The following DDB1 variants were observed in gnomAD, a reference collection of about 807,000 sequenced individuals.
DDB1 encodes DNA damage-binding protein 1.
In DDB1, 18 loss-of-function variants were observed where a neutral mutation model predicts 133.1. That is an observed-to-expected ratio of 0.14 (90% confidence interval 0.09 to 0.20). The LOEUF is 0.20. Among genes scored for constraint, DDB1 ranks in the 10% least tolerant of loss-of-function variants. The pLI is 1.00. For missense variants in DDB1, 828 were observed against 1,459.2 expected (o/e 0.57, Z 7.05); for synonymous variants, 580 against 550.5 (o/e 1.05, Z -0.75).
At position 61,300,801 on chromosome 11, in the gene DDB1, C is replaced by A; in HGVS notation, c.3339+8G>T. ...GTCTGGCCCAGGGTTAAACACCACA[C>A]AGCTCACCTGTAGGTTTGCCACCAC... On this transcript the variant is annotated splice_region_variant and intron_variant, in intron 26 of 26. Coordinates refer to ENST00000301764, the MANE Select transcript of DDB1 (RefSeq NM_001923.5). The A allele has an allele frequency of 6.2e-7, 1 of 1,614,168 alleles. No individual in the cohort carries two copies. Among genetic ancestry groups the A allele is most frequent in the East Asian group, 2.2e-5 (1 of 44,888 alleles).
chr11:61,312,061 G>A lies in DDB1; in HGVS notation c.2093C>T (p.Thr698Ile), dbSNP rs747835416. ...CTCATCGATGGTGCCAATGGTGAGG[G>A]TGCTATTGTTGGCCAGCGCCAGGCT... ...PDSLALANNS[T>I]LTIGTIDEIQ... The change falls in exon 17 of 27, where the codon ACC becomes ATC. Residue 698 changes from threonine (T) to isoleucine (I), a missense_variant. By Grantham distance (89) the Thr-to-Ile change is moderately conservative. Transcript: ENST00000301764. The A allele has an allele frequency of 1.2e-6, 2 of 1,614,220 alleles. No individual in the cohort carries two copies. The highest frequency in any genetic ancestry group is 1.7e-5 in the Admixed American group (1 of 60,026).
rs999670781 is a variant in DDB1 at position 61,325,629 on chromosome 11, A to G, written c.744T>C (p.Ile248=). 1.2e-6 allele frequency: 2 copies of G among 1,613,800 alleles called. No homozygotes were observed. The highest frequency in any genetic ancestry group is 8.5e-7 in the Non-Finnish European group (1 of 1,179,954). The change falls in exon 6 of 27, where the codon ATT becomes ATC. Residue 248 remains isoleucine (I), a synonymous_variant. Transcript: ENST00000301764. The part of the protein sequence containing the change: ...TYHNGDKYLA[I]APPIIKQSTI... ...CGCTCACCTTGATGATAGGAGGGGC[A>G]ATAGCCAGGTATTTGTCACCATTGT...
intron 21 of DDB1, among the ~76,000 whole-genome samples, chr11:61,308,001 C>T (rs1423029279): frequency 6.6e-6 from 1 of 152,174 alleles, no homozygotes; most frequent in African/African-American, 2.4e-5. Context: ...ACCTCTTATA[C>T]CGCTGCTTCT....
At chr11:61,322,452 C>T (rs954343583) in intron 8 of DDB1, 40 bp from the exon 9 acceptor site, 1 of 1,440,992 alleles carries the variant, frequency 6.9e-7, no homozygotes, top group Non-Finnish European at 9.8e-7. Flanking sequence ...CCTAGAACAC[C>T]CTAACAGACC....
intron 10 of DDB1, 182 bp downstream of exon 10, chr11:61,321,401 ATTTTCTTTTTTT>A (rs1183734393): frequency 6.0e-6 from 3 of 503,954 alleles, no homozygotes; most frequent in Non-Finnish European, 1.0e-5. Context: ...GATCAGTAGT[ATTTTCTTTTTTT>A]TTTTTTTCTA....
chr11:61,311,741 G>A (rs1406066304), intron 18 of DDB1, 43 bp downstream of exon 18: 10 of 1,555,776 alleles, frequency 6.4e-6, no homozygotes, highest in African/African-American at 1.4e-5. Context: ...AAAGCTTGCT[G>A]GCCCCTGCTC....
chr11:61,329,299 T>C, intron 4 of DDB1, 64 bp downstream of exon 4: 1 of 1,474,160 alleles, frequency 6.8e-7, no homozygotes, highest in Non-Finnish European at 9.5e-7. Flanking sequence ...ACATGCCAGT[T>C]AGCAAAAACA....
chr11:61,324,186 C>T (rs372184634), intron 6 of DDB1, 49 bp from the exon 7 acceptor site: 116 of 1,610,114 alleles, frequency 7.2e-5, no homozygotes, highest in Non-Finnish European at 9.3e-5. Context: ...TCTTCTACAC[C>T]AGAAAACAAA....
chr11:61,302,609 G>C lies in DDB1; in HGVS notation c.3085C>G (p.Leu1029Val). 1 of 1,614,210 alleles carries C rather than the reference G, an allele frequency of 6.2e-7. No homozygotes were observed. Among genetic ancestry groups the C allele is most frequent in the Non-Finnish European group, 8.5e-7 (1 of 1,180,030 alleles). The part of the protein sequence containing the change: ...ETSTPTQGSV[L>V]FGTVNGMIGL... ...ATCATGCCGTTGACCGTGCCGAAGA[G>C]CACCGAGCCTTGTGTGGGGGTGGAA... The change falls in exon 24 of 27, where the codon CTC (leucine) becomes GTC (valine). Residue 1029 changes from leucine to valine, a missense_variant. By Grantham distance (32) the Leu-to-Val change is conservative. Transcript: ENST00000301764.
In DDB1 at chr11:61,317,262, C is replaced by T. The variant is rs369021160; in HGVS notation, c.1226-695G>A. On this transcript the variant is annotated intron_variant, in intron 10 of 26. Transcript: ENST00000301764. ...CCGAGTAGCTGGGAAGGCAGGTGCC[C>T]GCCACCACACCTGGCTAATTTTTTG... Among the ~76,000 whole-genome samples, 75 of 149,376 alleles carry T rather than the reference C, an allele frequency of 5.0e-4. 1 individual carries two copies. In the East Asian group the frequency reaches 0.011, roughly 23 times the overall value.
chr11:61,331,854 CAA>C, intron 1 of DDB1, 163 bp from the exon 2 acceptor site: 1 of 884,868 alleles, frequency 1.1e-6, no homozygotes, highest in South Asian at 1.7e-5. Flanking sequence ...TCCGGCACCT[CAA>C]AGAGTCTCAG....
chr11:61,326,864 A>G lies in DDB1; in HGVS notation c.579T>C (p.Tyr193=). ...QDPQGRHVKT[Y]EVSLREKEFN... ...ATTCCTTTTCTCGGAGAGACACCTC[A>G]TAGGTTTTTACGTGCCGCCCCTGAG... The change falls in exon 5 of 27, where the codon TAT becomes TAC. Residue 193 remains tyrosine (Y), a synonymous_variant. Coordinates refer to ENST00000301764, the MANE Select transcript of DDB1 (RefSeq NM_001923.5). 1 of 1,614,048 alleles carries G rather than the reference A, an allele frequency of 6.2e-7. No homozygotes were observed. The highest frequency in any genetic ancestry group is 8.5e-7 in the Non-Finnish European group (1 of 1,179,996).
rs1190327135 is a variant in DDB1 at position 61,310,338 on chromosome 11, C to T, written c.2358G>A (p.Val786=). ...APHETSFGEE[V]EVHNLLIIDQ... Reference sequence around the variant, plus strand: ...CAATGATAAGTAGGTTGTGCACCTCCACCTCTTCTCCAAAGGAGGTCTCAT... The same window carrying T: ...CAATGATAAGTAGGTTGTGCACCTCTACCTCTTCTCCAAAGGAGGTCTCAT... Residue 786 remains valine (V), a synonymous_variant, in exon 19 of 27, where the codon GTG becomes GTA. Transcript: ENST00000301764. 3 of 1,612,800 alleles carry T rather than the reference C, an allele frequency of 1.9e-6. No individual in the cohort carries two copies. The highest frequency in any genetic ancestry group is 2.2e-5 in the South Asian group (2 of 90,966).
At chr11:61,324,399 T>C (rs1213900109) in intron 6 of DDB1, 4 of 389,270 alleles carry the variant, frequency 1.0e-5, no homozygotes, top group Middle Eastern at 7.6e-4. Flanking sequence ...TGCAGGAAAA[T>C]AGAAATACAC....
intron 16 of DDB1, among the ~76,000 whole-genome samples, chr11:61,312,505 T>C (rs964311167): frequency 1.6e-4 from 22 of 137,906 alleles, no homozygotes; most frequent in African/African-American, 6.0e-4. Flanking sequence ...TCTCTCTCTC[T>C]CTTTTTTTTT....
At chr11:61,306,832 G>T (rs1452299879) in intron 21 of DDB1, among the ~76,000 whole-genome samples, 2 of 152,140 alleles carry the variant, frequency 1.3e-5, no homozygotes, top group Non-Finnish European at 2.9e-5. Flanking sequence ...CCAACCAACA[G>T]GATGACTGTT....
intron 10 of DDB1, among the ~76,000 whole-genome samples, chr11:61,320,306 C>G (rs1159743826): frequency 6.6e-6 from 1 of 151,710 alleles, no homozygotes; most frequent in Non-Finnish European, 1.5e-5. Flanking sequence ...GTTCAAGTGC[C>G]TCTCCCGTCT....
chr11:61,309,723 G>C, intron 20 of DDB1, 73 bp downstream of exon 20: 4 of 1,524,956 alleles, frequency 2.6e-6, no homozygotes, highest in Non-Finnish European at 3.6e-6. Flanking sequence ...GAGGCTCTCT[G>C]AAACCTCACA....
chr11:61,326,782 C>G lies in DDB1; in HGVS notation c.661G>C (p.Ala221Pro), dbSNP rs1258234667. ...NVEAEASMVI[A>P]VPEPFGGAII... ...ATTTCCTAAACCCCCTACCAACCTGCGATCACCATGGAAGCTTCAGCTTCG... is the reference window on the plus strand; with the variant it reads ...ATTTCCTAAACCCCCTACCAACCTGGGATCACCATGGAAGCTTCAGCTTCG... Residue 221 changes from alanine (A) to proline (P), a missense_variant, in exon 5 of 27, where the codon GCA (alanine) becomes CCA (proline). This residue lies in a region of DDB1 where 210 missense variants were observed against 344.8 expected (regional missense o/e 0.61). Transcript: ENST00000301764. 1 of 1,613,694 alleles carries G rather than the reference C, an allele frequency of 6.2e-7. No individual in the cohort carries two copies. The highest frequency in any genetic ancestry group is 8.5e-7 in the Non-Finnish European group (1 of 1,179,736).
Sources: gnomAD v4.1 joint callset for allele counts (sites outside exome capture counted in the v4.1 genomes callset) on GRCh38, gnomAD v4.1.1 for gene constraint, gnomAD v4.1.1 regional missense constraint, MANE v1.5 for transcripts, NCBI Gene and HGNC (gene_info 2026-07-23, HGNC 2026-07-21) for gene names.